AGAP1: variants seen among roughly 807,000 people sequenced by gnomAD.
AGAP1 encodes the protein ArfGAP with GTPase domain, ankyrin repeat and PH domain 1.
A neutral mutation model predicts 105.3 loss-of-function variants in AGAP1; 29 were observed. The ratio of observed to expected loss-of-function variants is 0.28; its 90% CI spans 0.21 to 0.38. The LOEUF is 0.38. Among genes scored for constraint, AGAP1 ranks in the 10% least tolerant of loss-of-function variants. The pLI, the probability that AGAP1 is intolerant of heterozygous loss-of-function variation, is 1.00. For missense variants in AGAP1, 998 were observed against 1,165.1 expected, an observed-to-expected ratio of 0.86 and a Z score of 2.09; for synonymous variants, 509 against 485.9, an observed-to-expected ratio of 1.05 and a Z score of -0.63.
In AGAP1 at chr2:236,131,740, G is replaced by C. The variant is rs944460647; in HGVS notation, c.*7618G>C. 6.6e-6 allele frequency: 1 copy of C among 151,978 alleles called. No individual in the cohort carries two copies. Among genetic ancestry groups the C allele is most frequent in the Non-Finnish European group, 1.5e-5 (1 of 68,012 alleles). The allele number at this position is 151,978 out of a possible 1,614,324, so 9.4% of individuals were successfully genotyped here. A position where few individuals can be genotyped will look rare whatever the true frequency, so the allele number is the denominator to read the frequency against. ...AGAAAGATGTGTAAAGTAACAGAGA[G>C]AGGTGGCTATGGTGTAGAGACCTCT... On this transcript the variant is annotated 3_prime_UTR_variant, in exon 18 of 18. Transcript: ENST00000304032. The surrounding 1 kb of genome is among the most constrained non-coding windows in gnomAD (Gnocchi z 5.9).
In AGAP1 at chr2:236,129,014, C is replaced by T. The variant is rs2060047765; in HGVS notation, c.*4892C>T. 1 of 152,198 alleles carries T rather than the reference C, an allele frequency of 6.6e-6. No homozygotes were observed. Among genetic ancestry groups the T allele is most frequent in the Non-Finnish European group, 1.5e-5 (1 of 68,042 alleles). 9.4% of individuals were successfully genotyped at this position (152,198 alleles called of 1,614,324 possible). A position where few individuals can be genotyped will look rare whatever the true frequency, so the allele number is the denominator to read the frequency against. ...CTTCAAAGGAAATGTAATTTATTTC[C>T]AACCGCTGCCTCAGACGGGGGTTTC... On this transcript the variant is annotated 3_prime_UTR_variant, in exon 18 of 18. Coordinates refer to ENST00000304032, the MANE Select transcript of AGAP1 (RefSeq NM_001037131.3). This position sits in a 1 kb window ranked among gnomAD's most constrained non-coding sequence, Gnocchi z 6.2.
At position 235,691,142 on chromosome 2, in the gene AGAP1, C is replaced by T. The variant is rs1177493127; in HGVS notation, c.164-18037C>T. The stretch of plus-strand genomic sequence containing the variant: ...AGGCCAGCAAGGAGTCTGCCCCATG[C>T]GATTCTGAGGCCTTGGTCCCTTCTG... On this transcript the variant is annotated intron_variant, in intron 1 of 17. Transcript: ENST00000304032. This position sits in a 1 kb window ranked among gnomAD's most constrained non-coding sequence, Gnocchi z 4.4. 6.6e-6 allele frequency among the ~76,000 whole-genome samples: 1 copy of T among 152,152 alleles called. No individual in the cohort carries two copies. The highest frequency in any genetic ancestry group is 1.5e-5 in the Non-Finnish European group (1 of 68,040).
intron 1 of AGAP1, among the ~76,000 whole-genome samples, chr2:235,681,346 C>T (rs532248906): frequency 9.2e-5 from 14 of 152,212 alleles, no homozygotes; most frequent in African/African-American, 2.6e-4. Context: ...ACCCTTCTTA[C>T]GCGCCTCCCG....
chr2:236,127,815 C>G lies in AGAP1; in HGVS notation c.*3693C>G, dbSNP rs552094804. 6.6e-6 allele frequency: 1 copy of G among 152,270 alleles called. No individual in the cohort carries two copies. Among genetic ancestry groups the G allele is most frequent in the African/African-American group, 2.4e-5 (1 of 41,464 alleles). The allele number at this position is 152,270 out of a possible 1,614,324, so 9.4% of individuals were successfully genotyped here. ...CCTGCCATCCTTCCAGAGGATTCCTCTGCAACTCTAGGCAAGCACCCAGCT... is the reference window on the plus strand; with the variant it reads ...CCTGCCATCCTTCCAGAGGATTCCTGTGCAACTCTAGGCAAGCACCCAGCT... On this transcript the variant is annotated 3_prime_UTR_variant, in exon 18 of 18. Coordinates refer to ENST00000304032, the MANE Select transcript of AGAP1 (RefSeq NM_001037131.3). This position sits in a 1 kb window ranked among gnomAD's most constrained non-coding sequence, Gnocchi z 6.6.
intron 13 of AGAP1, among the ~76,000 whole-genome samples, chr2:236,019,667 C>T (rs2125594457): frequency 6.6e-6 from 1 of 152,306 alleles, no homozygotes; most frequent in South Asian, 2.1e-4. Context: ...GCCTGCAGCG[C>T]CCTTAGGCTT....
intron 9 of AGAP1, among the ~76,000 whole-genome samples, chr2:235,870,091 G>C (rs2106557917): frequency 6.6e-6 from 1 of 152,272 alleles, no homozygotes; most frequent in Middle Eastern, 3.4e-3. Context: ...GCCATCTTCG[G>C]ACACTAGCTA....
At position 235,600,347 on chromosome 2, in the gene AGAP1, CAGT is replaced by C. The variant is rs146717995; in HGVS notation, c.163+105501_163+105503del. Among the ~76,000 whole-genome samples the C allele has an allele frequency of 6.6e-6, 1 of 152,236 alleles. No homozygotes were observed. Among genetic ancestry groups the C allele is most frequent in the East Asian group, 1.9e-4 (1 of 5,176 alleles). On this transcript the variant is annotated intron_variant, in intron 1 of 17. Coordinates refer to ENST00000304032, the MANE Select transcript of AGAP1 (RefSeq NM_001037131.3). The surrounding 1 kb of genome is among the most constrained non-coding windows in gnomAD (Gnocchi z 4.8). ...CTGCATGGACTGTGCTGGAAACACT[CAGT>C]AGCAACTCAGGCTCAGGGAGCCCTC...
intron 16 of AGAP1, among the ~76,000 whole-genome samples, chr2:236,054,480 T>TAAAAA (rs10560456): frequency 1.8e-5 from 2 of 112,810 alleles, no homozygotes; most frequent in African/African-American, 6.3e-5. Context: ...TTTTCTTTCT[T>TAAAAA]AAAAAAAAAA....
chr2:235,743,961 G>C (rs1952737450), intron 4 of AGAP1, among the ~76,000 whole-genome samples: 1 of 152,230 alleles, frequency 6.6e-6, no homozygotes, highest in South Asian at 2.1e-4. Context: ...TGAGGTACTA[G>C]TATATGCCTG....
Position 235,744,944 on chromosome 2 carries a change from C to G in AGAP1, c.538+105C>G. On this transcript the variant is annotated intron_variant, in intron 5 of 17. Transcript: ENST00000304032. The surrounding 1 kb of genome is among the most constrained non-coding windows in gnomAD (Gnocchi z 5.2). ...GCTTTAAAGAAGGAAAAATTGCCTACTGAACGCTCACTTTTTTGGGAAAAA... is the reference window on the plus strand; with the variant it reads ...GCTTTAAAGAAGGAAAAATTGCCTAGTGAACGCTCACTTTTTTGGGAAAAA... The G allele has an allele frequency of 7.3e-7, 1 of 1,370,184 alleles. No individual in the cohort carries two copies. The highest frequency in any genetic ancestry group is 9.9e-7 in the Non-Finnish European group (1 of 1,013,668). 84.9% of individuals were successfully genotyped at this position (1,370,184 alleles called of 1,614,324 possible).
At position 235,655,071 on chromosome 2, in the gene AGAP1, C is replaced by CT. The variant is rs201145604; in HGVS notation, c.164-54094dup. Among the ~76,000 whole-genome samples, 3,998 of 143,592 alleles carry CT rather than the reference C, an allele frequency of 0.028. 122 individuals are homozygous for CT. The highest frequency in any genetic ancestry group is 0.077 in the African/African-American group (3,024 of 39,032). 94.2% of individuals were successfully genotyped at this position (143,592 alleles called of 152,430 possible). A position where few individuals can be genotyped will look rare whatever the true frequency, so the allele number is the denominator to read the frequency against. ...TAATTACTATATCCAGAATGATCCT[C>CT]TTTTTTTTTTTTTTGAGTTGTGTGT... is the stretch of plus-strand genomic sequence containing the variant. On this transcript the variant is annotated intron_variant, in intron 1 of 17. Transcript: ENST00000304032. This position sits in a 1 kb window ranked among gnomAD's most constrained non-coding sequence, Gnocchi z 4.3.
Position 236,076,402 on chromosome 2 carries a change from A to G in AGAP1, c.2114+27121A>G, listed in dbSNP as rs1401961604. On this transcript the variant is annotated intron_variant, in intron 16 of 17. Transcript: ENST00000304032. The surrounding 1 kb of genome is among the most constrained non-coding windows in gnomAD (Gnocchi z 4.4). ...AGAGGTTACAGTGAGTCGAGACCAC[A>G]CCATTGTACTCCAGCCTGGGTGACA... is the stretch of plus-strand genomic sequence containing the variant. 6.6e-6 allele frequency among the ~76,000 whole-genome samples: 1 copy of G among 152,070 alleles called. No homozygotes were observed. The highest frequency in any genetic ancestry group is 1.5e-5 in the Non-Finnish European group (1 of 68,002).
rs1180801026 is a variant in AGAP1, at chr2:236,051,324, G to A, written c.2114+2043G>A. 6.6e-6 allele frequency among the ~76,000 whole-genome samples: 1 copy of A among 152,206 alleles called. No individual in the cohort carries two copies. The highest frequency in any genetic ancestry group is 2.4e-5 in the African/African-American group (1 of 41,450). On this transcript the variant is annotated intron_variant, in intron 16 of 17. Transcript: ENST00000304032. This position sits in a 1 kb window ranked among gnomAD's most constrained non-coding sequence, Gnocchi z 5.9. Reference sequence around the variant, plus strand: ...AATAATCATTGCACACTTTCTCGTAGAAAAGCAACGGTGAGTGATGATTGC... The same window carrying A: ...AATAATCATTGCACACTTTCTCGTAAAAAAGCAACGGTGAGTGATGATTGC...
chr2:235,567,522 T>TG (rs1356868904), intron 1 of AGAP1, among the ~76,000 whole-genome samples: 2 of 152,324 alleles, frequency 1.3e-5, no homozygotes, highest in African/African-American at 4.8e-5. Context: ...TGTCTGTTCT[T>TG]GCGCTGTCCA....
chr2:235,588,853 C>T (rs1374736544), intron 1 of AGAP1, among the ~76,000 whole-genome samples: 2 of 152,282 alleles, frequency 1.3e-5, no homozygotes, highest in East Asian at 1.9e-4. Context: ...TGATTACTGA[C>T]GAGACCTTTA....
chr2:235,679,421 C>T (rs935360916), intron 1 of AGAP1, among the ~76,000 whole-genome samples: 2 of 152,192 alleles, frequency 1.3e-5, no homozygotes, highest in Non-Finnish European at 2.9e-5. Context: ...ATAAGCCAAC[C>T]TTGTATTTTG....
intron 1 of AGAP1, among the ~76,000 whole-genome samples, chr2:235,590,715 ATTTTTTTTTT>A (rs67076321): frequency 1.9e-5 from 1 of 53,714 alleles, no homozygotes; most frequent in East Asian, 5.8e-4. Flanking sequence ...GTGTGTGTGC[ATTTTTTTTTT>A]TTTTTTTTTT....
intron 6 of AGAP1, among the ~76,000 whole-genome samples, chr2:235,759,325 C>T (rs991276105): frequency 1.8e-4 from 27 of 152,098 alleles, no homozygotes; most frequent in Admixed American, 5.9e-4. Context: ...CCTGCCACCA[C>T]GCCCGGCTAA....
intron 1 of AGAP1, among the ~76,000 whole-genome samples, chr2:235,658,547 T>C (rs1233639789): frequency 6.6e-6 from 1 of 152,020 alleles, no homozygotes; most frequent in Non-Finnish European, 1.5e-5. Flanking sequence ...GAGCAGAGTG[T>C]CCGGGTGAGA....
Sources: gnomAD v4.1 joint callset for allele counts (sites outside exome capture counted in the v4.1 genomes callset) on GRCh38, gnomAD v4.1.1 for gene constraint, Gnocchi (gnomAD v3.1) non-coding constraint, MANE v1.5 for transcripts, NCBI Gene and HGNC (gene_info 2026-07-23, HGNC 2026-07-21) for gene names.